The following PRDM16 variants were observed in gnomAD, a reference collection of about 807,000 sequenced individuals.
PRDM16 encodes PR/SET domain 16.
A neutral mutation model predicts 110.6 loss-of-function variants in PRDM16; 23 were observed. That is an observed-to-expected ratio of 0.21 (90% CI 0.15 to 0.29). The LOEUF (loss-of-function observed/expected upper bound fraction) is 0.29, where lower values mean the gene tolerates loss of function less well. Among genes scored for constraint, PRDM16 ranks in the 10% least tolerant of loss-of-function variants. The pLI is 1.00. For missense variants in PRDM16, 1,615 were observed against 1,794.3 expected, an observed-to-expected ratio of 0.90 and a Z score of 1.81; for synonymous variants, 799 against 781.8, an observed-to-expected ratio of 1.02 and a Z score of -0.37.
intron 1 of PRDM16, among the ~76,000 whole-genome samples, chr1:3,144,938 A>G (rs563098588): frequency 2.1e-4 from 32 of 152,162 alleles, no homozygotes; most frequent in Non-Finnish European, 2.5e-4. Flanking sequence ...CTCCCAGTGA[A>G]CCCCCAGGGC....
At chr1:3,099,031 C>T (rs1008805312) in intron 1 of PRDM16, among the ~76,000 whole-genome samples, 2 of 152,220 alleles carry the variant, frequency 1.3e-5, no homozygotes, top group Admixed American at 6.5e-5. Flanking sequence ...CCACCCACTC[C>T]ATCAAGCCCC....
intron 3 of PRDM16, among the ~76,000 whole-genome samples, chr1:3,331,021 G>A (rs1384151450): frequency 6.6e-6 from 1 of 152,212 alleles, no homozygotes; most frequent in Non-Finnish European, 1.5e-5. Flanking sequence ...AATTCCATCT[G>A]ATAAGGCCCC....
At position 3,405,645 on chromosome 1, in the gene PRDM16, A is replaced by G. The variant is rs1364504688; in HGVS notation, c.1183A>G (p.Ile395Val). ...TATCCACAGCACGGTGAAGCCTTTC[A>G]TATGTGAGTGGTCGCCCAGCCTGGC... Reference protein sequence around the residue: ...KHIHSTVKPFICEVCHKSYTQ... With the variant: ...KHIHSTVKPFVCEVCHKSYTQ... The change falls in exon 8 of 17, where the codon ATA becomes GTA. Residue 395 changes from isoleucine (I) to valine (V), a missense_variant. Around this residue, in one of 5 missense-constraint regions of PRDM16, gnomAD observed 82 missense variants for 144.4 expected, o/e 0.57. Transcript: ENST00000270722. 2 of 1,578,664 alleles carry G rather than the reference A, an allele frequency of 1.3e-6. No homozygotes were observed. Among genetic ancestry groups the G allele is most frequent in the Non-Finnish European group, 1.7e-6 (2 of 1,161,634 alleles).
At chr1:3,410,292 G>C (rs549575577) in intron 8 of PRDM16, among the ~76,000 whole-genome samples, 1 of 152,144 alleles carries the variant, frequency 6.6e-6, no homozygotes, top group South Asian at 2.1e-4. Context: ...CCCCCAGGCC[G>C]CTGGGTCCTG....
At chr1:3,287,877 G>A (rs921899605) in intron 3 of PRDM16, among the ~76,000 whole-genome samples, 18 of 152,214 alleles carry the variant, frequency 1.2e-4, no homozygotes, top group Admixed American at 3.3e-4. Flanking sequence ...TGCATTTACC[G>A]GGGCTGGAGC....
intron 3 of PRDM16, among the ~76,000 whole-genome samples, chr1:3,250,727 T>G (rs542465775): frequency 6.6e-6 from 1 of 152,308 alleles, no homozygotes; most frequent in South Asian, 2.1e-4. Context: ...GGAAAGGCAT[T>G]GTTCACACAC....
intron 3 of PRDM16, among the ~76,000 whole-genome samples, chr1:3,313,176 G>A (rs1466604396): frequency 2.0e-5 from 3 of 152,254 alleles, no homozygotes; most frequent in African/African-American, 4.8e-5. Flanking sequence ...GGTTTCCGCC[G>A]CCTCATCCAC....
At chr1:3,186,072 C>T (rs1644263471) in intron 1 of PRDM16, 53 bp from the exon 2 acceptor site, 2 of 1,477,104 alleles carry the variant, frequency 1.4e-6, no homozygotes, top group African/African-American at 1.4e-5. Context: ...CTGAGCTGTA[C>T]ACACTGGGTG....
rs1172892888 is a variant in PRDM16, at chr1:3,339,965, G to A, written c.439-45187G>A. Among the ~76,000 whole-genome samples the A allele has an allele frequency of 6.6e-6, 1 of 152,174 alleles. No individual in the cohort carries two copies. Among genetic ancestry groups the A allele is most frequent in the Non-Finnish European group, 1.5e-5 (1 of 68,026 alleles). ...GGGGGGAACAGGTGTGCCATCCCCC[G>A]AGCGTGCCTCCTCCTCTCCCTGGGA... On this transcript the variant is annotated intron_variant, in intron 3 of 16. Transcript: ENST00000270722. This position sits in a 1 kb window ranked among gnomAD's most constrained non-coding sequence, Gnocchi z 5.0.
In PRDM16 at chr1:3,350,628, G is replaced by A. The variant is rs531102257; in HGVS notation, c.439-34524G>A. On this transcript the variant is annotated intron_variant, in intron 3 of 16. Transcript: ENST00000270722. The surrounding 1 kb of genome is among the most constrained non-coding windows in gnomAD (Gnocchi z 7.1). ...CTGGGAGCCAGCCCTGCCCGGCCAGGGCTCGGGCACAGCTTGGCTCCATGC... is the reference window on the plus strand; with the variant it reads ...CTGGGAGCCAGCCCTGCCCGGCCAGAGCTCGGGCACAGCTTGGCTCCATGC... Among the ~76,000 whole-genome samples, 10 of 152,198 alleles carry A rather than the reference G, an allele frequency of 6.6e-5. No homozygotes were observed. The South Asian group carries it at 2.1e-3, about 32-fold the overall frequency.
At chr1:3,170,756 TC>T (rs1644016436) in intron 1 of PRDM16, among the ~76,000 whole-genome samples, 2 of 151,940 alleles carry the variant, frequency 1.3e-5, no homozygotes, top group Admixed American at 1.3e-4. Context: ...TCCTGGCCGC[TC>T]CCGTCACCAG....
At chr1:3,077,417 G>A (rs1641925322) in intron 1 of PRDM16, among the ~76,000 whole-genome samples, 1 of 152,222 alleles carries the variant, frequency 6.6e-6, no homozygotes, top group Non-Finnish European at 1.5e-5. Context: ...GTGAAACCAG[G>A]TAAAGGTGAG....
At chr1:3,403,048 AGTCTTCCTCCCCTTCCCGTG>A in intron 6 of PRDM16, 50 bp downstream of exon 6, 2 of 787,834 alleles carry the variant, frequency 2.5e-6, no homozygotes, top group Non-Finnish European at 3.3e-6. Context: ...CCCTCCTCTG[AGTCTTCCTCCCCTTCCCGTG>A]CCCTCCTCTG....
intron 8 of PRDM16, among the ~76,000 whole-genome samples, chr1:3,410,650 A>T (rs941779525): frequency 6.6e-6 from 1 of 152,042 alleles, no homozygotes; most frequent in Non-Finnish European, 1.5e-5. Context: ...CGGAGAGGGG[A>T]GGTGGGAGGA....
At chr1:3,238,521 A>T (rs1372302451) in intron 2 of PRDM16, among the ~76,000 whole-genome samples, 1 of 152,254 alleles carries the variant, frequency 6.6e-6, no homozygotes, top group Non-Finnish European at 1.5e-5. Context: ...TTTAATGCAA[A>T]AAATAAATAA....
chr1:3,282,189 C>T (rs1640723199), intron 3 of PRDM16, among the ~76,000 whole-genome samples: 1 of 152,226 alleles, frequency 6.6e-6, no homozygotes, highest in Non-Finnish European at 1.5e-5. Context: ...CCAGAATGTT[C>T]TAGAAGAGGC....
chr1:3,101,537 G>A (rs1352840924), intron 1 of PRDM16, among the ~76,000 whole-genome samples: 2 of 152,256 alleles, frequency 1.3e-5, no homozygotes, highest in Non-Finnish European at 2.9e-5. Context: ...GGGGCCTGGA[G>A]AGGCCACAGA....
At chr1:3,110,944 C>A (rs1642777580) in intron 1 of PRDM16, among the ~76,000 whole-genome samples, 1 of 152,178 alleles carries the variant, frequency 6.6e-6, no homozygotes. Flanking sequence ...TCGAAGGAGG[C>A]CAGAGATTGC....
Position 3,326,970 on chromosome 1 carries a change from C to T in PRDM16, c.439-58182C>T, listed in dbSNP as rs193002272. Among the ~76,000 whole-genome samples, 1,509 of 152,330 alleles carry T rather than the reference C, an allele frequency of 9.9e-3. 14 individuals are homozygous for T. The highest frequency in any genetic ancestry group is 0.033 in the African/African-American group (1,378 of 41,584). On this transcript the variant is annotated intron_variant, in intron 3 of 16. Transcript: ENST00000270722. The stretch of plus-strand genomic sequence containing the variant: ...CCGCCTGGCTGTGAGGGCCCCCAGA[C>T]GCCTGCCCTGGGAGGAGCCCACGCA...
Sources: gnomAD v4.1 joint callset for allele counts (sites outside exome capture counted in the v4.1 genomes callset) on GRCh38, gnomAD v4.1.1 for gene constraint, gnomAD v4.1.1 regional missense constraint, Gnocchi (gnomAD v3.1) non-coding constraint, MANE v1.5 for transcripts, NCBI Gene and HGNC (gene_info 2026-07-23, HGNC 2026-07-21) for gene names.